ZBTB8A: variants seen among roughly 807,000 people sequenced by gnomAD.
ZBTB8A encodes the protein zinc finger and BTB domain containing 8A, also known as zinc finger and BTB domain-containing protein 8A.
ZBTB8A carries 19 observed loss-of-function variants against 37.8 expected under a neutral mutation model. That is an observed-to-expected ratio of 0.50 (90% confidence interval 0.35 to 0.74). The LOEUF (loss-of-function observed/expected upper bound fraction) is 0.74, where lower values mean the gene tolerates loss of function less well. Among genes scored for constraint, ZBTB8A ranks in the 30% least tolerant of loss-of-function variants. ZBTB8A has a pLI of 0.01. For missense variants in ZBTB8A, 394 were observed against 537.8 expected (o/e 0.73, Z 2.65); for synonymous variants, 181 against 185.2 (o/e 0.98, Z 0.19).
At chr1:32,552,235 G>C (rs1644162476) in intron 1 of ZBTB8A, among the ~76,000 whole-genome samples, 1 of 152,080 alleles carries the variant, frequency 6.6e-6, no homozygotes. Flanking sequence ...TTGGTGGTGG[G>C]TACTTGTAGT....
At chr1:32,596,756 G>A (rs971630527) in intron 4 of ZBTB8A, among the ~76,000 whole-genome samples, 2 of 152,168 alleles carry the variant, frequency 1.3e-5, no homozygotes, top group Non-Finnish European at 2.9e-5. Flanking sequence ...AGACCTTGAA[G>A]TGGGGTATAT....
intron 2 of ZBTB8A, among the ~76,000 whole-genome samples, chr1:32,577,583 A>AT (rs1475672305): frequency 2.1e-5 from 2 of 93,816 alleles, no homozygotes; most frequent in African/African-American, 4.2e-5. Context: ...CAGATATTGT[A>AT]TTCTTTTTTT....
At chr1:32,575,693 T>TAAAA (rs551092987) in intron 2 of ZBTB8A, among the ~76,000 whole-genome samples, 2 of 139,112 alleles carry the variant, frequency 1.4e-5, no homozygotes, top group Admixed American at 7.3e-5. Flanking sequence ...TGCAAAAAAT[T>TAAAA]AAAAAAAAAA....
chr1:32,554,410 G>A (rs1287542044), intron 2 of ZBTB8A, among the ~76,000 whole-genome samples: 2 of 150,456 alleles, frequency 1.3e-5, no homozygotes, highest in Non-Finnish European at 3.0e-5. Context: ...AATGTGGGCC[G>A]AATTTCTTTT....
At chr1:32,583,402 C>G (rs1202874893) in intron 2 of ZBTB8A, among the ~76,000 whole-genome samples, 1 of 140,358 alleles carries the variant, frequency 7.1e-6, no homozygotes, top group Non-Finnish European at 1.5e-5. Context: ...AAAAAAAAGT[C>G]AGGTTAAGTG....
chr1:32,540,710 C>T (rs1644046093), intron 1 of ZBTB8A, among the ~76,000 whole-genome samples: 1 of 152,210 alleles, frequency 6.6e-6, no homozygotes, highest in Admixed American at 6.5e-5. Context: ...CAACAAGCTT[C>T]TGCTCCAGTC....
chr1:32,558,216 C>T (rs1028656318), intron 2 of ZBTB8A, among the ~76,000 whole-genome samples: 2 of 152,234 alleles, frequency 1.3e-5, no homozygotes, highest in African/African-American at 4.8e-5. Context: ...AACAAAATTA[C>T]GTTTCTGATC....
chr1:32,592,487 C>CT (rs1048477719), intron 2 of ZBTB8A, among the ~76,000 whole-genome samples: 6 of 151,712 alleles, frequency 4.0e-5, no homozygotes, highest in African/African-American at 1.4e-4. Context: ...TTGCAGTGAG[C>CT]TTTTTTTGTT....
chr1:32,580,298 A>G (rs1050047201), intron 2 of ZBTB8A, among the ~76,000 whole-genome samples: 2 of 152,116 alleles, frequency 1.3e-5, no homozygotes, highest in Non-Finnish European at 2.9e-5. Context: ...TCATGCCTGT[A>G]TATAATCCCA....
chr1:32,539,562 C>G lies in ZBTB8A; in HGVS notation c.-94C>G, dbSNP rs1163848166. The G allele has an allele frequency of 6.7e-6, 1 of 149,292 alleles. No homozygotes were observed. Among genetic ancestry groups the G allele is most frequent in the Non-Finnish European group, 1.5e-5 (1 of 67,072 alleles). The allele number at this position is 149,292 out of a possible 1,614,324, so 9.2% of individuals were successfully genotyped here. The stretch of plus-strand genomic sequence containing the variant: ...CCGCGCGCGCGACCGGCCGGTGCGC[C>G]GCGGCCCGCGGTAAGTGGCTGCACG... On this transcript the variant is annotated 5_prime_UTR_variant, in exon 1 of 5. Transcript: ENST00000373510.
At chr1:32,567,921 C>A (rs1305471208) in intron 2 of ZBTB8A, among the ~76,000 whole-genome samples, 2 of 151,490 alleles carry the variant, frequency 1.3e-5, no homozygotes, top group Non-Finnish European at 2.9e-5. Flanking sequence ...GCAGGCAGAT[C>A]ATGAGGTCAG....
chr1:32,574,884 T>A (rs1341594584), intron 2 of ZBTB8A, among the ~76,000 whole-genome samples: 1 of 152,052 alleles, frequency 6.6e-6, no homozygotes, highest in African/African-American at 2.4e-5. Context: ...CACAAGTGAT[T>A]CTCACAACTC....
At chr1:32,592,332 TG>T (rs1259107261) in intron 2 of ZBTB8A, among the ~76,000 whole-genome samples, 1 of 151,850 alleles carries the variant, frequency 6.6e-6, no homozygotes, top group Non-Finnish European at 1.5e-5. Context: ...GCCCAGGAGT[TG>T]GAGACCAGCT....
intron 2 of ZBTB8A, among the ~76,000 whole-genome samples, chr1:32,556,336 A>G (rs180701277): frequency 1.3e-5 from 2 of 152,138 alleles, no homozygotes; most frequent in African/African-American, 4.8e-5. Flanking sequence ...CCAAAGTGCT[A>G]GGATGACAGG....
chr1:32,594,353 C>A (rs1023727656), intron 3 of ZBTB8A, among the ~76,000 whole-genome samples: 1 of 151,972 alleles, frequency 6.6e-6, no homozygotes, highest in Non-Finnish European at 1.5e-5. Flanking sequence ...GGTTAGATTA[C>A]TCTTAAATGT....
rs901251642 is a variant in ZBTB8A at position 32,601,948 on chromosome 1, T to C, written c.*1529T>C. 6.1e-6 allele frequency: 2 copies of C among 326,096 alleles called. No homozygotes were observed. Among genetic ancestry groups the C allele is most frequent in the African/African-American group, 4.2e-5 (2 of 47,300 alleles). 20.2% of individuals were successfully genotyped at this position (326,096 alleles called of 1,614,324 possible). On this transcript the variant is annotated 3_prime_UTR_variant, in exon 5 of 5. Coordinates refer to ENST00000373510, the MANE Select transcript of ZBTB8A (RefSeq NM_001040441.3). The stretch of plus-strand genomic sequence containing the variant: ...AGTATAAAACTATTTGAACAAATTA[T>C]TCACTTAAATATGTTGAACATTTTT...
chr1:32,543,332 G>A (rs751538357), intron 1 of ZBTB8A, among the ~76,000 whole-genome samples: 12 of 151,978 alleles, frequency 7.9e-5, no homozygotes, highest in Non-Finnish European at 1.2e-4. Flanking sequence ...TGATCCACCC[G>A]CCTCAGCTTC....
intron 2 of ZBTB8A, among the ~76,000 whole-genome samples, chr1:32,558,315 T>C (rs1044105397): frequency 1.3e-5 from 2 of 152,086 alleles, no homozygotes; most frequent in African/African-American, 4.8e-5. Context: ...GGCCATTTTC[T>C]CTTTTTTTCT....
chr1:32,559,793 A>G (rs1448043194), intron 2 of ZBTB8A, among the ~76,000 whole-genome samples: 1 of 152,134 alleles, frequency 6.6e-6, no homozygotes, highest in Non-Finnish European at 1.5e-5. Flanking sequence ...AGGTGGGGCC[A>G]TTAAGAGGTG....
Sources: allele counts gnomAD v4.1 joint callset (sites outside exome capture counted in the v4.1 genomes callset), GRCh38; gene constraint gnomAD v4.1.1; transcripts MANE v1.5; gene names NCBI Gene and HGNC (gene_info 2026-07-23, HGNC 2026-07-21).